ISY1: variants seen among roughly 807,000 people sequenced by gnomAD.
The protein encoded by ISY1 is pre-mRNA-splicing factor ISY1 homolog.
Under a neutral mutation model 54.4 loss-of-function variants are expected in ISY1, and 12 were observed. That is an observed-to-expected ratio of 0.22 (90% CI 0.14 to 0.36). The LOEUF is 0.36. Among genes scored for constraint, ISY1 ranks in the 10% least tolerant of loss-of-function variants. The pLI is 1.00. For missense variants in ISY1, 282 were observed against 342.2 expected (o/e 0.82, Z 1.39); for synonymous variants, 96 against 117.9 (o/e 0.81, Z 1.20).
intron 6 of ISY1, among the ~76,000 whole-genome samples, chr3:129,145,492 G>A (rs1235685876): frequency 1.3e-5 from 2 of 152,122 alleles, no homozygotes; most frequent in African/African-American, 4.8e-5. Context: ...CAAAGTGCTG[G>A]GATTATAGGA....
chr3:129,156,518 CCTTA>C, intron 5 of ISY1, 111 bp downstream of exon 5: 1 of 1,082,032 alleles, frequency 9.2e-7, no homozygotes. Context: ...TCTTCTATGT[CCTTA>C]CTGATTTACT....
At chr3:129,157,224 T>G (rs1937167507) in intron 3 of ISY1, among the ~76,000 whole-genome samples, 1 of 152,142 alleles carries the variant, frequency 6.6e-6, no homozygotes, top group Non-Finnish European at 1.5e-5. Flanking sequence ...TCTATCAGTG[T>G]TTAAAACAAA....
At chr3:129,156,316 G>A (rs1425416064) in intron 5 of ISY1, among the ~76,000 whole-genome samples, 1 of 149,772 alleles carries the variant, frequency 6.7e-6, no homozygotes, top group African/African-American at 2.5e-5. Context: ...GGAGAATGGC[G>A]TGAACCCAGG....
chr3:129,136,948 G>A (rs1421976725), intron 7 of ISY1, among the ~76,000 whole-genome samples: 2 of 150,316 alleles, frequency 1.3e-5, no homozygotes, highest in African/African-American at 2.5e-5. Flanking sequence ...AGGCTGGAGT[G>A]CAATGGCGCG....
chr3:129,147,920 T>C (rs533195873), intron 5 of ISY1, among the ~76,000 whole-genome samples: 5 of 152,268 alleles, frequency 3.3e-5, no homozygotes, highest in African/African-American at 1.2e-4. Flanking sequence ...AGCATTAGGC[T>C]GAGTTGAAAT....
At chr3:129,140,096 C>T (rs1045867319) in intron 7 of ISY1, among the ~76,000 whole-genome samples, 5 of 152,228 alleles carry the variant, frequency 3.3e-5, no homozygotes. Flanking sequence ...AATAGGGAAA[C>T]TCCTTGTCCA....
intron 7 of ISY1, 55 bp downstream of exon 7, chr3:129,140,313 T>C: frequency 6.7e-7 from 1 of 1,490,764 alleles, no homozygotes; most frequent in African/African-American, 1.4e-5. Context: ...ATATAGCATA[T>C]CTACTCTTAT....
chr3:129,136,138 C>A (rs1220733920), intron 7 of ISY1, among the ~76,000 whole-genome samples: 2 of 151,264 alleles, frequency 1.3e-5, no homozygotes, highest in Admixed American at 6.6e-5. Context: ...GAATTTCGCT[C>A]TTGTCCAGGC....
intron 9 of ISY1, among the ~76,000 whole-genome samples, chr3:129,133,551 A>AATTTT (rs1214090372): frequency 6.6e-6 from 1 of 152,138 alleles, no homozygotes; most frequent in Non-Finnish European, 1.5e-5. Context: ...AAAATTAGCC[A>AATTTT]TGCGTGGTGG....
chr3:129,151,474 C>T (rs1437114626), intron 5 of ISY1, among the ~76,000 whole-genome samples: 1 of 151,366 alleles, frequency 6.6e-6, no homozygotes, highest in East Asian at 2.0e-4. Flanking sequence ...AGTAAAAATA[C>T]AAAAATTGGC....
intron 7 of ISY1, 121 bp from the exon 8 acceptor site, chr3:129,135,075 G>A (rs145685299): frequency 5.4e-5 from 72 of 1,324,726 alleles, no homozygotes; most frequent in African/African-American, 3.6e-4. Flanking sequence ...CCAGGTGGGC[G>A]CAGTGGCTCA....
intron 7 of ISY1, among the ~76,000 whole-genome samples, chr3:129,135,663 G>A (rs1296006974): frequency 6.6e-6 from 1 of 151,842 alleles, no homozygotes; most frequent in East Asian, 1.9e-4. Context: ...CTACTCCTGA[G>A]GCTGAGGCAG....
chr3:129,144,213 A>T (rs1269340593), intron 6 of ISY1: 1 of 380,366 alleles, frequency 2.6e-6, no homozygotes, highest in African/African-American at 2.1e-5. Flanking sequence ...GATACAGAGA[A>T]GATTGGCATA....
At chr3:129,135,470 A>G (rs772100563) in intron 7 of ISY1, among the ~76,000 whole-genome samples, 4 of 152,084 alleles carry the variant, frequency 2.6e-5, no homozygotes, top group African/African-American at 7.2e-5. Flanking sequence ...CTACCTAAGT[A>G]AAAAACAAAA....
intron 1 of ISY1, 62 bp from the exon 2 acceptor site, chr3:129,159,238 T>C (rs1937233857): frequency 6.3e-7 from 1 of 1,575,988 alleles, no homozygotes; most frequent in African/African-American, 1.4e-5. Context: ...TTCTTGCCCT[T>C]TACTTTTTAG....
chr3:129,129,011 C>A lies in ISY1; in HGVS notation c.*1070G>T, dbSNP rs865918202. On this transcript the variant is annotated 3_prime_UTR_variant, in exon 11 of 11. Transcript: ENST00000393295. ...TGTGGCCACGGACGCCATGGTGGGT[C>A]GGCTCACTCCCACCTAGACTCCTGG... is the stretch of plus-strand genomic sequence containing the variant. 1.3e-5 allele frequency: 2 copies of A among 152,272 alleles called. No individual in the cohort carries two copies. Among genetic ancestry groups the A allele is most frequent in the Admixed American group, 1.3e-4 (2 of 15,272 alleles). The allele number at this position is 152,272 out of a possible 1,614,324, so 9.4% of individuals were successfully genotyped here.
At chr3:129,148,616 G>A (rs1936842881) in intron 5 of ISY1, among the ~76,000 whole-genome samples, 2 of 152,238 alleles carry the variant, frequency 1.3e-5, no homozygotes, top group Admixed American at 1.3e-4. Flanking sequence ...CCAGGCTGGA[G>A]TGCAGTGGTA....
chr3:129,147,422 C>T (rs923291596), intron 5 of ISY1, among the ~76,000 whole-genome samples: 1 of 151,918 alleles, frequency 6.6e-6, no homozygotes, highest in Non-Finnish European at 1.5e-5. Flanking sequence ...CCTCCCACTC[C>T]CACGTTCTGT....
intron 6 of ISY1, among the ~76,000 whole-genome samples, chr3:129,141,481 G>A (rs751034514): frequency 2.4e-4 from 36 of 149,166 alleles, no homozygotes; most frequent in Non-Finnish European, 5.2e-4. Context: ...TAGGCCGGGC[G>A]CAGTGGCTCA....
Sources: allele counts gnomAD v4.1 joint callset (sites outside exome capture counted in the v4.1 genomes callset), GRCh38; gene constraint gnomAD v4.1.1; transcripts MANE v1.5; gene names NCBI Gene and HGNC (gene_info 2026-07-23, HGNC 2026-07-21).